SGMS1: variants seen among roughly 807,000 people sequenced by gnomAD.
SGMS1 encodes sphingomyelin synthase 1.
SGMS1 carries 13 observed loss-of-function variants against 46.2 expected under a neutral mutation model. The ratio of observed to expected loss-of-function variants is 0.28; its 90% confidence interval spans 0.18 to 0.45. SGMS1 has a LOEUF of 0.45. Among genes scored for constraint, SGMS1 ranks in the 20% least tolerant of loss-of-function variants. SGMS1 has a pLI of 1.00. For synonymous variants in SGMS1, 203 were observed against 187.8 expected (o/e 1.08, Z -0.66); for missense variants, 324 against 519.9 (o/e 0.62, Z 3.66).
chr10:50,350,351 G>A (rs918939362), intron 6 of SGMS1, among the ~76,000 whole-genome samples: 1 of 152,190 alleles, frequency 6.6e-6, no homozygotes, highest in Non-Finnish European at 1.5e-5. Flanking sequence ...AGTTTGATAA[G>A]GGAAAATCTG....
intron 3 of SGMS1, among the ~76,000 whole-genome samples, chr10:50,502,332 G>A (rs1837669191): frequency 2.1e-5 from 3 of 145,848 alleles, no homozygotes; most frequent in African/African-American, 7.6e-5. Flanking sequence ...AACCAGCACA[G>A]CAGGAGAAGT....
chr10:50,380,473 C>T (rs545241045), intron 6 of SGMS1, among the ~76,000 whole-genome samples: 1 of 152,156 alleles, frequency 6.6e-6, no homozygotes, highest in Non-Finnish European at 1.5e-5. Context: ...TGGCGCTACC[C>T]AGGTCTGGAG....
intron 3 of SGMS1, among the ~76,000 whole-genome samples, chr10:50,511,871 G>A (rs568109085): frequency 8.5e-5 from 13 of 152,072 alleles, no homozygotes; most frequent in Non-Finnish European, 1.8e-4. Flanking sequence ...ACATAATTTT[G>A]TCATTAATCT....
At chr10:50,494,953 G>A (rs1422333934) in intron 3 of SGMS1, among the ~76,000 whole-genome samples, 1 of 150,666 alleles carries the variant, frequency 6.6e-6, no homozygotes, top group East Asian at 1.9e-4. Flanking sequence ...GGAGAATGGC[G>A]TGAACCCGGG....
chr10:50,471,254 G>C (rs1439931814), intron 3 of SGMS1, among the ~76,000 whole-genome samples: 1 of 152,134 alleles, frequency 6.6e-6, no homozygotes, highest in Non-Finnish European at 1.5e-5. Flanking sequence ...GAAAAGAAGA[G>C]GTACTTTATC....
chr10:50,532,225 C>CTGTGTGTGTGTGTGTGTGTGTGTGTG (rs71029313), intron 2 of SGMS1, among the ~76,000 whole-genome samples: 2 of 130,516 alleles, frequency 1.5e-5, no homozygotes, highest in African/African-American at 5.9e-5. Context: ...CTGAATGAGA[C>CTGTGTGTGTGTGTGTGTGTGTGTGTG]TGTGTGTGTG....
chr10:50,328,274 G>A (rs531789128), intron 7 of SGMS1, among the ~76,000 whole-genome samples: 1 of 152,224 alleles, frequency 6.6e-6, no homozygotes, highest in East Asian at 1.9e-4. Flanking sequence ...AGTACCACAG[G>A]CCAGAATCAT....
At chr10:50,351,792 T>C (rs986847269) in intron 6 of SGMS1, among the ~76,000 whole-genome samples, 3 of 152,180 alleles carry the variant, frequency 2.0e-5, no homozygotes, top group African/African-American at 7.2e-5. Flanking sequence ...TCTTTATTAG[T>C]AGTGTGGAAA....
intron 8 of SGMS1, among the ~76,000 whole-genome samples, chr10:50,321,413 CAGAG>C (rs1251105742): frequency 5.9e-5 from 9 of 151,760 alleles, no homozygotes; most frequent in Admixed American, 2.6e-4. Context: ...TTTTAAGTGA[CAGAG>C]AGAAGTTATT....
In SGMS1 at chr10:50,343,733, A is replaced by C; in HGVS notation, c.382T>G (p.Tyr128Asp). 6.2e-7 allele frequency: 1 copy of C among 1,614,166 alleles called. No individual in the cohort carries two copies. Residue 128 changes from tyrosine (Y) to aspartate (D), a missense_variant, in exon 7 of 11, where the codon TAC becomes GAC. Tyr to Asp is a radical substitution (Grantham distance 160). Transcript: ENST00000361781. ...AAAGTCTTGCCCCACTCCATGGGGT[A>C]CTGAGAGCGCTCCAGTTCTGGCATG... The part of the protein sequence containing the change: ...IPMPELERSQ[Y>D]PMEWGKTFLA...
intron 3 of SGMS1, among the ~76,000 whole-genome samples, chr10:50,476,097 C>CAA (rs58641986): frequency 0.25 from 10,847 of 43,112 alleles, 2,405 homozygotes; most frequent in Middle Eastern, 0.28. Flanking sequence ...ACTAAAAATA[C>CAA]AAAAAAAAAA....
chr10:50,469,075 C>A (rs1488093812), intron 3 of SGMS1, among the ~76,000 whole-genome samples: 2 of 152,162 alleles, frequency 1.3e-5, no homozygotes, highest in Non-Finnish European at 2.9e-5. Context: ...TCCAAGGTTG[C>A]AAATTTGTCC....
chr10:50,315,334 A>G (rs999130273), intron 8 of SGMS1, among the ~76,000 whole-genome samples: 2 of 152,018 alleles, frequency 1.3e-5, no homozygotes, highest in African/African-American at 4.8e-5. Context: ...GCTTTCTTCC[A>G]CTCTCTGTCC....
At chr10:50,382,939 T>C (rs924141634) in intron 6 of SGMS1, among the ~76,000 whole-genome samples, 1 of 152,138 alleles carries the variant, frequency 6.6e-6, no homozygotes, top group African/African-American at 2.4e-5. Flanking sequence ...GCCTCACACA[T>C]GTAAATCAAA....
intron 5 of SGMS1, among the ~76,000 whole-genome samples, chr10:50,437,539 AC>A (rs1429522699): frequency 2.6e-5 from 4 of 152,226 alleles, no homozygotes; most frequent in African/African-American, 9.6e-5. Context: ...AAGAGAAGGA[AC>A]AATAACTAAA....
chr10:50,571,684 A>G (rs1384603669), intron 2 of SGMS1, among the ~76,000 whole-genome samples: 1 of 152,236 alleles, frequency 6.6e-6, no homozygotes, highest in Non-Finnish European at 1.5e-5. Context: ...ATACACATAT[A>G]TATGACAGAT....
At chr10:50,429,650 C>T (rs1849375702) in intron 6 of SGMS1, among the ~76,000 whole-genome samples, 1 of 151,168 alleles carries the variant, frequency 6.6e-6, no homozygotes, top group Admixed American at 6.6e-5. Context: ...AATGAACTTT[C>T]CTTCACTTTT....
At chr10:50,422,232 T>C (rs528415437) in intron 6 of SGMS1, among the ~76,000 whole-genome samples, 1 of 152,234 alleles carries the variant, frequency 6.6e-6, no homozygotes, top group African/African-American at 2.4e-5. Context: ...AGCATCTGTA[T>C]CCCCCAGGGC....
chr10:50,419,937 G>A (rs1195206174), intron 6 of SGMS1, among the ~76,000 whole-genome samples: 1 of 152,152 alleles, frequency 6.6e-6, no homozygotes, highest in African/African-American at 2.4e-5. Context: ...AAAGCAGCAC[G>A]GGAGAGTGGA....
Sources: allele counts gnomAD v4.1 joint callset (sites outside exome capture counted in the v4.1 genomes callset), GRCh38; gene constraint gnomAD v4.1.1; transcripts MANE v1.5; gene names NCBI Gene and HGNC (gene_info 2026-07-23, HGNC 2026-07-21).